Variants in PPA2 observed in about 807,000 individuals in gnomAD.
PPA2 encodes the protein inorganic pyrophosphatase 2, mitochondrial.
In PPA2, 48 loss-of-function variants were observed where a neutral mutation model predicts 49.5. That is an observed-to-expected ratio of 0.97 (90% CI 0.77 to 1.23). The LOEUF (loss-of-function observed/expected upper bound fraction) is 1.23. Among genes scored for constraint, PPA2 ranks in the 50% most tolerant of loss-of-function variants. The probability of loss-of-function intolerance (pLI) is 0.00; values close to 1 mark genes in which losing one functional copy is unlikely to be tolerated. For synonymous variants in PPA2, 131 were observed against 139.9 expected (o/e 0.94, Z 0.45); for missense variants, 429 against 410.1 (o/e 1.05, Z -0.40).
At chr4:105,452,778 G>A (rs982534689) in intron 3 of PPA2, among the ~76,000 whole-genome samples, 5 of 152,098 alleles carry the variant, frequency 3.3e-5, no homozygotes, top group African/African-American at 1.2e-4. Context: ...ACTTGTAGCA[G>A]GAGATGGAAT....
intron 8 of PPA2, among the ~76,000 whole-genome samples, chr4:105,397,503 T>A (rs781405808): frequency 1.3e-5 from 2 of 152,186 alleles, no homozygotes; most frequent in Non-Finnish European, 2.9e-5. Context: ...AAAGGAGCCA[T>A]CTTTCCAACC....
intron 1 of PPA2, among the ~76,000 whole-genome samples, chr4:105,468,932 C>A (rs772145479): frequency 2.0e-4 from 31 of 152,344 alleles, no homozygotes; most frequent in Middle Eastern, 6.8e-3. Flanking sequence ...CTCTGAGGTT[C>A]TGCAGCAGCT....
chr4:105,434,767 A>G (rs1268561421), intron 6 of PPA2, among the ~76,000 whole-genome samples: 2 of 152,224 alleles, frequency 1.3e-5, no homozygotes, highest in Non-Finnish European at 2.9e-5. Flanking sequence ...CAGATTACCA[A>G]GTTGCCTCAG....
chr4:105,465,332 T>C (rs973766885), intron 1 of PPA2, among the ~76,000 whole-genome samples: 6 of 152,206 alleles, frequency 3.9e-5, no homozygotes, highest in African/African-American at 9.6e-5. Flanking sequence ...CTATAAGTTA[T>C]TCCAATGCCT....
In PPA2 at chr4:105,424,179, G is replaced by C. The variant is rs1184266011; in HGVS notation, c.655+17C>G. On this transcript the variant is annotated intron_variant, in intron 7 of 11. Coordinates refer to ENST00000341695, the MANE Select transcript of PPA2 (RefSeq NM_176869.3). ...CACACTAATTTGCTTTCACTTTCTG[G>C]AAAGTAACAGTCTTACCATGAAACT... 6.3e-7 allele frequency: 1 copy of C among 1,590,150 alleles called. No individual in the cohort carries two copies. The highest frequency in any genetic ancestry group is 1.4e-5 in the African/African-American group (1 of 73,274).
At chr4:105,392,288 C>T (rs917909875) in intron 9 of PPA2, among the ~76,000 whole-genome samples, 2 of 151,656 alleles carry the variant, frequency 1.3e-5, no homozygotes, top group African/African-American at 2.4e-5. Context: ...AAAAAAACTT[C>T]GGAGAAAGAG....
At chr4:105,382,139 TA>T (rs1733514595) in intron 10 of PPA2, among the ~76,000 whole-genome samples, 2 of 151,986 alleles carry the variant, frequency 1.3e-5, no homozygotes, top group African/African-American at 4.8e-5. Context: ...AAATTATTTA[TA>T]TTTTTTGAGG....
chr4:105,455,516 A>G (rs1180283755), intron 2 of PPA2, among the ~76,000 whole-genome samples: 1 of 152,212 alleles, frequency 6.6e-6, no homozygotes, highest in East Asian at 1.9e-4. Flanking sequence ...GTGATGATGG[A>G]CAAGGTACTT....
chr4:105,386,323 A>G (rs1029218520), intron 10 of PPA2, among the ~76,000 whole-genome samples: 2 of 152,326 alleles, frequency 1.3e-5, no homozygotes, highest in South Asian at 2.1e-4. Flanking sequence ...GAAAAACAGC[A>G]TCATATGAAG....
intron 4 of PPA2, among the ~76,000 whole-genome samples, chr4:105,447,555 T>C (rs574220681): frequency 5.3e-5 from 8 of 152,170 alleles, no homozygotes; most frequent in Non-Finnish European, 1.2e-4. Context: ...TGGTAAGTAT[T>C]TGATGTGACA....
In PPA2 at chr4:105,431,366, G is replaced by A. The variant is rs1025535015; in HGVS notation, c.528+6584C>T. On this transcript the variant is annotated intron_variant, in intron 6 of 11. Coordinates refer to ENST00000341695, the MANE Select transcript of PPA2 (RefSeq NM_176869.3). Reference sequence around the variant, plus strand: ...ACATTTGTTTAAGATAAAATCAGACGTAAGCTTGTTTTAATTAAAAAAATC... The same window carrying A: ...ACATTTGTTTAAGATAAAATCAGACATAAGCTTGTTTTAATTAAAAAAATC... Among the ~76,000 whole-genome samples, 11 of 152,116 alleles carry A rather than the reference G, an allele frequency of 7.2e-5. No homozygotes were observed. The East Asian group carries it at 1.4e-3, about 19-fold the overall frequency.
At chr4:105,460,128 A>T (rs1723024801) in intron 1 of PPA2, among the ~76,000 whole-genome samples, 1 of 152,284 alleles carries the variant, frequency 6.6e-6, no homozygotes, top group Admixed American at 6.5e-5. Flanking sequence ...AGCCCTCTGC[A>T]TCTGCAGATT....
At chr4:105,427,648 GA>G (rs1409531969) in intron 6 of PPA2, among the ~76,000 whole-genome samples, 1 of 152,058 alleles carries the variant, frequency 6.6e-6, no homozygotes, top group African/African-American at 2.4e-5. Flanking sequence ...CAAGATTAGA[GA>G]AAAAGAGTGA....
At chr4:105,425,073 A>G (rs962772200) in intron 6 of PPA2, among the ~76,000 whole-genome samples, 5 of 152,198 alleles carry the variant, frequency 3.3e-5, no homozygotes, top group African/African-American at 1.2e-4. Flanking sequence ...CTGTCCTAAC[A>G]AAGTTTTAAA....
chr4:105,458,950 G>A (rs1474179531), intron 1 of PPA2, among the ~76,000 whole-genome samples: 1 of 151,624 alleles, frequency 6.6e-6, no homozygotes, highest in Non-Finnish European at 1.5e-5. Context: ...TTAAGTTCTG[G>A]AGTTTTTGTA....
Position 105,369,553 on chromosome 4 carries a change from A to T in PPA2, c.*172T>A. On this transcript the variant is annotated 3_prime_UTR_variant, in exon 12 of 12. Transcript: ENST00000341695. The stretch of plus-strand genomic sequence containing the variant: ...CTTCTTTTTATATCAATAAATGTCC[A>T]AAGGAGAGTAATTTAAAATTCTTAC... The T allele has an allele frequency of 1.6e-6, 1 of 612,082 alleles. No individual in the cohort carries two copies. The highest frequency in any genetic ancestry group is 2.8e-6 in the Non-Finnish European group (1 of 353,818). 37.9% of individuals were successfully genotyped at this position (612,082 alleles called of 1,614,324 possible).
intron 9 of PPA2, among the ~76,000 whole-genome samples, chr4:105,391,079 G>A (rs1250181836): frequency 6.6e-6 from 1 of 151,986 alleles, no homozygotes. Flanking sequence ...GCAAACTAAT[G>A]CAGGAGCAGA....
intron 6 of PPA2, among the ~76,000 whole-genome samples, chr4:105,435,990 C>G (rs1011336365): frequency 6.6e-6 from 1 of 151,964 alleles, no homozygotes; most frequent in African/African-American, 2.4e-5. Context: ...TAAAAGGTAT[C>G]TAAATTGGAA....
At position 105,473,577 on chromosome 4, in the gene PPA2, G is replaced by C. The variant is rs533565752; in HGVS notation, c.157+317C>G. 1,986 of 556,652 alleles carry C rather than the reference G, an allele frequency of 3.6e-3. 21 individuals are homozygous for C. The highest frequency in any genetic ancestry group is 0.016 in the Middle Eastern group (56 of 3,436). The allele number at this position is 556,652 out of a possible 1,614,324, so 34.5% of individuals were successfully genotyped here. ...CCGGCTAATGGCTGCAGGCCGCCGC[G>C]GGGTGGCCGCTTGCACTCTGCCTAC... On this transcript the variant is annotated intron_variant, in intron 1 of 11. Coordinates refer to ENST00000341695, the MANE Select transcript of PPA2 (RefSeq NM_176869.3).
Sources: gnomAD v4.1 joint callset for allele counts (sites outside exome capture counted in the v4.1 genomes callset) on GRCh38, gnomAD v4.1.1 for gene constraint, MANE v1.5 for transcripts, NCBI Gene and HGNC (gene_info 2026-07-23, HGNC 2026-07-21) for gene names.